CSMD1: variants seen among roughly 807,000 people sequenced by gnomAD.
CSMD1 encodes the protein CUB and Sushi multiple domains 1, also known as CUB and sushi domain-containing protein 1.
A neutral mutation model predicts 417.5 loss-of-function variants in CSMD1; 213 were observed. That is an observed-to-expected ratio of 0.51 (90% CI 0.46 to 0.57). The LOEUF is 0.57. Among genes scored for constraint, CSMD1 ranks in the 20% least tolerant of loss-of-function variants. The pLI is 0.00. For synonymous variants in CSMD1, 2,862 were observed against 1,736.8 expected, an observed-to-expected ratio of 1.65 and a Z score of -16.11; for missense variants, 6,923 against 4,529.7, an observed-to-expected ratio of 1.53 and a Z score of -15.17.
chr8:4,350,911 G>T lies in CSMD1; in HGVS notation c.415+69042C>A, dbSNP rs143818782. On this transcript the variant is annotated intron_variant, in intron 3 of 69. Transcript: ENST00000635120. ...GGATGTGCATTCTAAGGTGGGCCGT[G>T]CTTACAGGACCGCCTTCCTTGACAC... Among the ~76,000 whole-genome samples the T allele has an allele frequency of 3.6e-3, 548 of 152,304 alleles. 2 individuals carry two copies. Among genetic ancestry groups the T allele is most frequent in the African/African-American group, 0.013 (528 of 41,554 alleles).
chr8:3,763,778 G>C (rs1219349219), intron 5 of CSMD1, among the ~76,000 whole-genome samples: 1 of 152,082 alleles, frequency 6.6e-6, no homozygotes, highest in Non-Finnish European at 1.5e-5. Flanking sequence ...ACAATGACCA[G>C]GGCTCCATAT....
At chr8:3,834,753 G>A (rs1019466318) in intron 5 of CSMD1, among the ~76,000 whole-genome samples, 3 of 152,166 alleles carry the variant, frequency 2.0e-5, no homozygotes, top group Middle Eastern at 3.4e-3. Flanking sequence ...GTGGAGCCAA[G>A]ATGGCGGAAT....
chr8:4,074,233 C>A (rs1224101354), intron 3 of CSMD1, among the ~76,000 whole-genome samples: 1 of 151,798 alleles, frequency 6.6e-6, no homozygotes, highest in Non-Finnish European at 1.5e-5. Flanking sequence ...CTTTTTGTAA[C>A]CCCAGAGAAA....
chr8:3,504,590 C>G (rs1265073822), intron 10 of CSMD1, among the ~76,000 whole-genome samples: 2 of 152,200 alleles, frequency 1.3e-5, no homozygotes, highest in Non-Finnish European at 2.9e-5. Flanking sequence ...TTTCAAATCT[C>G]ACGAGTCTTT....
At chr8:3,916,204 C>T (rs1808817492) in intron 5 of CSMD1, among the ~76,000 whole-genome samples, 2 of 152,096 alleles carry the variant, frequency 1.3e-5, no homozygotes, top group Admixed American at 1.3e-4. Context: ...GAAGTAGAGA[C>T]TTCCAGATGT....
chr8:4,348,775 G>A (rs1179082977), intron 3 of CSMD1, among the ~76,000 whole-genome samples: 1 of 152,164 alleles, frequency 6.6e-6, no homozygotes, highest in East Asian at 1.9e-4. Context: ...AACTACGAAT[G>A]TGACTTTCTT....
chr8:4,757,940 A>G (rs1038798799), intron 1 of CSMD1, among the ~76,000 whole-genome samples: 2 of 148,938 alleles, frequency 1.3e-5, no homozygotes, highest in African/African-American at 5.0e-5. Flanking sequence ...ATCCTGGGCA[A>G]CAGAGAGAGA....
intron 1 of CSMD1, among the ~76,000 whole-genome samples, chr8:4,750,726 G>C (rs1249342828): frequency 2.0e-5 from 3 of 150,218 alleles, no homozygotes; most frequent in Admixed American, 1.3e-4. Flanking sequence ...CTTGACTTTT[G>C]TCAGTAAATA....
chr8:3,996,301 A>G (rs1037362625), intron 5 of CSMD1, among the ~76,000 whole-genome samples: 1 of 152,226 alleles, frequency 6.6e-6, no homozygotes, highest in African/African-American at 2.4e-5. Flanking sequence ...TCTGAGAATG[A>G]GTCCCTATAT....
At chr8:3,829,773 G>A (rs145841044) in intron 5 of CSMD1, among the ~76,000 whole-genome samples, 2 of 152,220 alleles carry the variant, frequency 1.3e-5, no homozygotes, top group East Asian at 1.9e-4. Context: ...ATTTCTCCAA[G>A]ACAGGAATAT....
intron 12 of CSMD1, among the ~76,000 whole-genome samples, chr8:3,413,693 C>A (rs1279384424): frequency 6.6e-6 from 1 of 152,130 alleles, no homozygotes; most frequent in Non-Finnish European, 1.5e-5. Flanking sequence ...ATTATGGTGA[C>A]AAAATTCACA....
At chr8:4,278,212 C>T (rs1357672144) in intron 3 of CSMD1, among the ~76,000 whole-genome samples, 1 of 152,076 alleles carries the variant, frequency 6.6e-6, no homozygotes, top group Non-Finnish European at 1.5e-5. Context: ...TCAATAGAGC[C>T]AAGCTTGGTA....
intron 3 of CSMD1, among the ~76,000 whole-genome samples, chr8:4,093,920 A>C (rs1203107681): frequency 6.6e-6 from 1 of 152,122 alleles, no homozygotes; most frequent in Non-Finnish European, 1.5e-5. Flanking sequence ...AGATTGCGCC[A>C]TTACGCTCCA....
intron 1 of CSMD1, among the ~76,000 whole-genome samples, chr8:4,859,705 A>G (rs561145414): frequency 6.6e-5 from 10 of 152,160 alleles, no homozygotes; most frequent in East Asian, 1.9e-4. Flanking sequence ...CAAAACCACA[A>G]TGAGATACCA....
chr8:4,086,509 A>G (rs1585284143), intron 3 of CSMD1, among the ~76,000 whole-genome samples: 1 of 152,242 alleles, frequency 6.6e-6, no homozygotes, highest in Non-Finnish European at 1.5e-5. Flanking sequence ...ACTCATTACA[A>G]AAGTGACTGG....
At chr8:3,273,768 T>A (rs1004661187) in intron 26 of CSMD1, among the ~76,000 whole-genome samples, 1 of 147,318 alleles carries the variant, frequency 6.8e-6, no homozygotes, top group Non-Finnish European at 1.5e-5. Context: ...TCTGTGGGAT[T>A]GGTGGTGATA....
intron 3 of CSMD1, among the ~76,000 whole-genome samples, chr8:4,247,266 G>T (rs140415973): frequency 4.3e-4 from 66 of 152,226 alleles, no homozygotes; most frequent in African/African-American, 1.5e-3. Context: ...AATGACCAAA[G>T]ACAAAATCAC....
At chr8:4,019,772 G>C (rs904818089) in intron 4 of CSMD1, among the ~76,000 whole-genome samples, 1 of 152,088 alleles carries the variant, frequency 6.6e-6, no homozygotes, top group Non-Finnish European at 1.5e-5. Context: ...TGTCCAAGTG[G>C]TGGTGTGTAA....
At chr8:4,522,699 C>A (rs545341828) in intron 2 of CSMD1, among the ~76,000 whole-genome samples, 1 of 152,164 alleles carries the variant, frequency 6.6e-6, no homozygotes, top group East Asian at 1.9e-4. Context: ...TATCATCTCA[C>A]TTTACCAAAG....
Sources: allele counts gnomAD v4.1 joint callset (sites outside exome capture counted in the v4.1 genomes callset), GRCh38; gene constraint gnomAD v4.1.1; transcripts MANE v1.5; gene names NCBI Gene and HGNC (gene_info 2026-07-23, HGNC 2026-07-21).